PIH1D1: variants seen among roughly 807,000 people sequenced by gnomAD.
The protein encoded by PIH1D1 is PIH1 domain containing 1.
A neutral mutation model predicts 38.5 loss-of-function variants in PIH1D1; 28 were observed. The ratio of observed to expected loss-of-function variants is 0.73; its 90% confidence interval spans 0.54 to 1.00. PIH1D1 has a LOEUF of 1.00. Ranked by LOEUF, PIH1D1 falls within the 50% of genes least tolerant of loss-of-function variation. PIH1D1 has a pLI of 0.00. For synonymous variants in PIH1D1, 155 were observed against 153.5 expected (o/e 1.01, Z -0.07); for missense variants, 343 against 369.9 (o/e 0.93, Z 0.60).
chr19:49,447,519 G>A (rs1353065248), intron 5 of PIH1D1, 52 bp from the exon 6 acceptor site: 2 of 1,594,844 alleles, frequency 1.3e-6, no homozygotes, highest in Non-Finnish European at 1.7e-6. Flanking sequence ...TTCCCTTTGT[G>A]GGGGCCAAGA....
Position 49,446,664 on chromosome 19 carries a change from C to T in PIH1D1, c.718G>A (p.Gly240Arg), listed in dbSNP as rs1485084783. 1.3e-6 allele frequency: 2 copies of T among 1,584,388 alleles called. No individual in the cohort carries two copies. The highest frequency in any genetic ancestry group is 1.4e-5 in the African/African-American group (1 of 73,822). ...DGALGLSLEIGENRLVMGGPQ... is the reference protein window; with the variant it reads ...DGALGLSLEIRENRLVMGGPQ... ...CCCCCCATCACCAGGCGGTTCTCCC[C>T]GATCTCCAGCGACAGCCCCAGGGCT... is the stretch of plus-strand genomic sequence containing the variant. Residue 240 changes from glycine to arginine, a missense_variant, in exon 8 of 9, where the codon GGG becomes AGG. Transcript: ENST00000262265.
chr19:49,450,915 A>T (rs759480987), intron 1 of PIH1D1, 67 bp from the exon 2 acceptor site: 1 of 1,611,444 alleles, frequency 6.2e-7, no homozygotes, highest in South Asian at 1.1e-5. Context: ...TGTTCCTCAA[A>T]TGGAGCAATT....
At chr19:49,447,139 G>A (rs1299183136) in intron 6 of PIH1D1, 40 bp from the exon 7 acceptor site, 1 of 1,560,920 alleles carries the variant, frequency 6.4e-7, no homozygotes, top group African/African-American at 1.4e-5. Context: ...ACAGCTGCCA[G>A]GTCTTTGCCT....
At chr19:49,446,930 G>C (rs529797271) in intron 7 of PIH1D1, 94 bp downstream of exon 7, 1 of 1,226,384 alleles carries the variant, frequency 8.2e-7, no homozygotes, top group African/African-American at 1.5e-5. Flanking sequence ...CAACTGACAA[G>C]TCCAGCAACA....
rs202152884 is a variant in PIH1D1, at chr19:49,450,805, G to A, written c.134C>T (p.Ser45Leu). 2.5e-6 allele frequency: 4 copies of A among 1,612,592 alleles called. No homozygotes were observed. In the African/African-American group the frequency reaches 4.0e-5, roughly 16 times the overall value. Residue 45 changes from serine (S) to leucine (L), a missense_variant, in exon 2 of 9, where the codon TCG (serine) becomes TTG (leucine). Coordinates refer to ENST00000262265, the MANE Select transcript of PIH1D1 (RefSeq NM_017916.3). The part of the protein sequence containing the change: ...LQQAQTTRPE[S>L]TQIQPQPGFC... Reference sequence around the variant, plus strand: ...ACCAGGCTGAGGCTGGATTTGTGTCGATTCTGGTCTGGTTGTCTGGGCTTG... The same window carrying A: ...ACCAGGCTGAGGCTGGATTTGTGTCAATTCTGGTCTGGTTGTCTGGGCTTG...
chr19:49,447,306 A>C, intron 6 of PIH1D1, 32 bp downstream of exon 6: 1 of 1,612,572 alleles, frequency 6.2e-7, no homozygotes, highest in Non-Finnish European at 8.5e-7. Flanking sequence ...GCGTTGAGGA[A>C]ACATCAGACC....
rs774645279 is a variant in PIH1D1, at chr19:49,446,422, T to A, written c.833A>T (p.Gln278Leu). 5 of 1,002,504 alleles carry A rather than the reference T, an allele frequency of 5.0e-6. No homozygotes were observed. The highest frequency in any genetic ancestry group is 8.1e-6 in the Non-Finnish European group (5 of 620,846). 62.1% of individuals were successfully genotyped at this position (1,002,504 alleles called of 1,614,324 possible). A position where few individuals can be genotyped will look rare whatever the true frequency, so the allele number is the denominator to read the frequency against. ...SKAAFHRKRKQLMVAMPLLPV... is the reference protein window; with the variant it reads ...SKAAFHRKRKLLMVAMPLLPV... ...CAGAAGCGGCATGGCCACCATTAAT[T>A]GCTGAGGAGACAGAGCAAAGAGAAT... Residue 278 changes from glutamine (Q) to leucine (L), a missense_variant and splice_region_variant, in exon 9 of 9, where the codon CAA becomes CTA. Transcript: ENST00000262265.
rs1300971155 is a variant in PIH1D1, at chr19:49,446,443, A to G, written c.832-20T>C. ...TAATTGCTGAGGAGACAGAGCAAAG[A>G]GAATGAGGATCCAGGACCCAGAAGT... is the stretch of plus-strand genomic sequence containing the variant. On this transcript the variant is annotated intron_variant, in intron 8 of 8. Transcript: ENST00000262265. The G allele has an allele frequency of 2.6e-6, 3 of 1,166,606 alleles. No homozygotes were observed. Among genetic ancestry groups the G allele is most frequent in the Non-Finnish European group, 3.9e-6 (3 of 771,000 alleles). 72.3% of individuals were successfully genotyped at this position (1,166,606 alleles called of 1,614,324 possible).
intron 2 of PIH1D1, 76 bp downstream of exon 2, chr19:49,450,706 C>T (rs1280959089): frequency 1.2e-4 from 23 of 192,332 alleles, no homozygotes; most frequent in South Asian, 3.9e-4. Context: ...CCTTTATTTT[C>T]GTGTCTCTTT....
intron 7 of PIH1D1, 130 bp from the exon 8 acceptor site, chr19:49,446,824 C>T (rs745802173): frequency 3.4e-6 from 4 of 1,172,304 alleles, no homozygotes; most frequent in Non-Finnish European, 4.9e-6. Flanking sequence ...CAGAAGACAG[C>T]AATTACAAGT....
At position 49,451,493 on chromosome 19, in the gene PIH1D1, G is replaced by A; in HGVS notation, c.82C>T (p.Leu28=). Residue 28 remains leucine, a synonymous_variant, in exon 1 of 9, where the codon CTG becomes TTG. Coordinates refer to ENST00000262265, the MANE Select transcript of PIH1D1 (RefSeq NM_017916.3). The part of the protein sequence containing the change: ...GADSARFEEL[L]LQASKELQQA... ...GGGTCCGGTCACTGCACCTGCAGCA[G>A]CAGCTCCTCAAATCGCGCCGAATCA... 11 of 1,613,790 alleles carry A rather than the reference G, an allele frequency of 6.8e-6. No individual in the cohort carries two copies. The highest frequency in any genetic ancestry group is 1.7e-5 in the Admixed American group (1 of 59,994).
intron 8 of PIH1D1, 25 bp from the exon 9 acceptor site, chr19:49,446,448 G>T (rs1272282744): frequency 1.7e-6 from 2 of 1,203,570 alleles, no homozygotes; most frequent in Middle Eastern, 1.9e-4. Context: ...CAAAGAGAAT[G>T]AGGATCCAGG....
rs1327179506 is a variant in PIH1D1 at position 49,448,322 on chromosome 19, C to A, written c.338-260G>T. 12 of 520,116 alleles carry A rather than the reference C, an allele frequency of 2.3e-5. No individual in the cohort carries two copies. The Admixed American group carries it at 3.9e-4, about 17-fold the overall frequency. 32.2% of individuals were successfully genotyped at this position (520,116 alleles called of 1,614,324 possible). On this transcript the variant is annotated intron_variant, in intron 3 of 8. Coordinates refer to ENST00000262265, the MANE Select transcript of PIH1D1 (RefSeq NM_017916.3). ...CTGCTCACAGCTCTTCTCTGGCTCC[C>A]CAGTGCTCCCAAGTGAAGGTCTGAG...
chr19:49,448,209 C>T (rs1329662564), intron 3 of PIH1D1, 147 bp from the exon 4 acceptor site: 15 of 740,750 alleles, frequency 2.0e-5, no homozygotes, highest in South Asian at 2.0e-4. Context: ...ACTCACTTTC[C>T]GCTCTGGACT....
In PIH1D1 at chr19:49,447,091, T is replaced by G. The variant is rs745648764; in HGVS notation, c.620A>C (p.Lys207Thr). Residue 207 changes from lysine (K) to threonine (T), a missense_variant, in exon 7 of 9, where the codon AAG becomes ACG. Physicochemically the swap from Lys to Thr is moderately conservative, Grantham distance 78. Transcript: ENST00000262265. ...APGRAESGPE[K>T]PHLNLWLEAP... ...TTCCAGCCACAGGTTCAGGTGAGGC[T>G]TTTCAGGCCTGAGGAGGAACAAGGT... 2.6e-5 allele frequency: 42 copies of G among 1,612,198 alleles called. No homozygotes were observed. Among genetic ancestry groups the G allele is most frequent in the Non-Finnish European group, 3.5e-5 (41 of 1,179,304 alleles).
At chr19:49,447,177 C>G (rs553806232) in intron 6 of PIH1D1, 78 bp from the exon 7 acceptor site, 2 of 1,484,054 alleles carry the variant, frequency 1.3e-6, no homozygotes, top group South Asian at 2.4e-5. Context: ...CTCCCTCCAA[C>G]CAGCCCTATT....
At chr19:49,447,722 A>G in intron 5 of PIH1D1, 105 bp downstream of exon 5, 1 of 1,212,824 alleles carries the variant, frequency 8.2e-7, no homozygotes, top group Non-Finnish European at 1.2e-6. Context: ...CTAGTAGCAC[A>G]GACTCCAGGG....
At chr19:49,447,265 T>A (rs765762083) in intron 6 of PIH1D1, 73 bp downstream of exon 6, 4 of 1,583,360 alleles carry the variant, frequency 2.5e-6, no homozygotes, top group Non-Finnish European at 3.5e-6. Context: ...CATCACCCAG[T>A]GTGGGAGGAT....
At chr19:49,447,206 C>G (rs931164525) in intron 6 of PIH1D1, 107 bp from the exon 7 acceptor site, 1 of 1,484,578 alleles carries the variant, frequency 6.7e-7, no homozygotes, top group African/African-American at 1.4e-5. Context: ...GACGCCTTCC[C>G]AGTCAGGAGT....
Sources: allele counts gnomAD v4.1 joint callset, GRCh38; gene constraint gnomAD v4.1.1; transcripts MANE v1.5; gene names NCBI Gene and HGNC (gene_info 2026-07-23, HGNC 2026-07-21).